The following CTNNA3 variants were observed in gnomAD, a reference collection of about 807,000 sequenced individuals.
The protein encoded by CTNNA3 is catenin alpha 3.
In CTNNA3, 76 loss-of-function variants were observed where a neutral mutation model predicts 95.7. That is an observed-to-expected ratio of 0.79 (90% confidence interval 0.66 to 0.96). The LOEUF (loss-of-function observed/expected upper bound fraction) is 0.96. Among genes scored for constraint, CTNNA3 ranks in the 40% least tolerant of loss-of-function variants. The pLI, the probability that CTNNA3 is intolerant of heterozygous loss-of-function variation, is 0.00. For synonymous variants in CTNNA3, 431 were observed against 374.4 expected (o/e 1.15, Z -1.74); for missense variants, 1,191 against 1,089.8 (o/e 1.09, Z -1.31).
intron 2 of CTNNA3, among the ~76,000 whole-genome samples, chr10:67,613,335 C>T (rs547482131): frequency 5.3e-5 from 8 of 150,606 alleles, no homozygotes; most frequent in South Asian, 2.1e-4. Flanking sequence ...ACAGAGCCAG[C>T]GTACTGTGAA....
At chr10:67,391,621 A>G (rs1282058640) in intron 5 of CTNNA3, among the ~76,000 whole-genome samples, 1 of 151,434 alleles carries the variant, frequency 6.6e-6, no homozygotes, top group African/African-American at 2.4e-5. Context: ...AAAAGAACAA[A>G]GCTGGAGGCA....
chr10:66,305,610 G>T (rs1022437710), intron 12 of CTNNA3, among the ~76,000 whole-genome samples: 1 of 152,120 alleles, frequency 6.6e-6, no homozygotes, highest in African/African-American at 2.4e-5. Flanking sequence ...GTGCTTTCAT[G>T]GTGAAGTCTT....
At chr10:67,524,853 G>T (rs1441813919) in intron 4 of CTNNA3, among the ~76,000 whole-genome samples, 1 of 152,104 alleles carries the variant, frequency 6.6e-6, no homozygotes, top group African/African-American at 2.4e-5. Flanking sequence ...ATAAAAGTTA[G>T]GTTGAGGCCT....
chr10:67,340,944 G>A (rs1159981831), intron 5 of CTNNA3, among the ~76,000 whole-genome samples: 2 of 152,120 alleles, frequency 1.3e-5, no homozygotes, highest in East Asian at 1.9e-4. Flanking sequence ...AAGTAGAAGC[G>A]TAAACAGAGT....
At chr10:66,249,500 T>A (rs138184218) in intron 13 of CTNNA3, among the ~76,000 whole-genome samples, 17 of 152,190 alleles carry the variant, frequency 1.1e-4, no homozygotes, top group African/African-American at 3.6e-4. Context: ...GACATACAAA[T>A]GTCAATGGCA....
intron 15 of CTNNA3, among the ~76,000 whole-genome samples, chr10:65,991,476 C>T (rs7068477): frequency 0.014 from 2,144 of 151,220 alleles, 52 homozygotes; most frequent in African/African-American, 0.05. Flanking sequence ...GAGGTTGGTT[C>T]TTGTTTGGTT....
chr10:66,556,886 C>G (rs949558122), intron 10 of CTNNA3, among the ~76,000 whole-genome samples: 1 of 151,940 alleles, frequency 6.6e-6, no homozygotes, highest in Non-Finnish European at 1.5e-5. Context: ...AGCAGGAAAA[C>G]CAATGGTAAC....
At chr10:66,678,301 TTTA>T (rs1846937992) in intron 9 of CTNNA3, among the ~76,000 whole-genome samples, 1 of 152,134 alleles carries the variant, frequency 6.6e-6, no homozygotes, top group South Asian at 2.1e-4. Flanking sequence ...TCAGAAAGCC[TTTA>T]CTAGCCTTTC....
At chr10:66,875,737 T>C (rs1844591635) in intron 7 of CTNNA3, among the ~76,000 whole-genome samples, 1 of 152,188 alleles carries the variant, frequency 6.6e-6, no homozygotes, top group African/African-American at 2.4e-5. Flanking sequence ...CCTATTCCTG[T>C]GCTTATGGCA....
chr10:67,203,205 A>G (rs528312342), intron 6 of CTNNA3, among the ~76,000 whole-genome samples: 2 of 152,260 alleles, frequency 1.3e-5, no homozygotes, highest in East Asian at 3.9e-4. Flanking sequence ...GGCCAAGTGA[A>G]GATAAATGAA....
At chr10:67,690,021 G>A (rs1201419053) in intron 1 of CTNNA3, among the ~76,000 whole-genome samples, 1 of 152,168 alleles carries the variant, frequency 6.6e-6, no homozygotes, top group East Asian at 1.9e-4. Context: ...CTGACTTCAA[G>A]AATGAAGCCG....
intron 7 of CTNNA3, among the ~76,000 whole-genome samples, chr10:66,804,444 A>G (rs932402438): frequency 2.6e-5 from 4 of 151,988 alleles, no homozygotes; most frequent in Non-Finnish European, 5.9e-5. Context: ...TTTCCTAATG[A>G]TAAGAACGAT....
Position 66,347,371 on chromosome 10 carries a change from G to A in CTNNA3, c.1732+31781C>T, listed in dbSNP as rs369003332. ...CACACCTGTAATCCAAGCACTTTGG[G>A]AGGCCAAGGCGGGAAGATTGCTTGA... On this transcript the variant is annotated intron_variant, in intron 12 of 17. Coordinates refer to ENST00000433211, the MANE Select transcript of CTNNA3 (RefSeq NM_013266.4). 4.5e-4 allele frequency among the ~76,000 whole-genome samples: 69 copies of A among 152,180 alleles called. 1 individual carries two copies. The South Asian group carries it at 0.014, about 31-fold the overall frequency.
chr10:66,477,184 A>G (rs1407733791), intron 11 of CTNNA3, among the ~76,000 whole-genome samples: 1 of 152,148 alleles, frequency 6.6e-6, no homozygotes, highest in African/African-American at 2.4e-5. Flanking sequence ...ATATACATCA[A>G]TTTTTATTTC....
In CTNNA3 at chr10:65,920,137, C is replaced by T. The variant is rs1564515353; in HGVS notation, c.*193G>A. On this transcript the variant is annotated 3_prime_UTR_variant, in exon 18 of 18. Coordinates refer to ENST00000433211, the MANE Select transcript of CTNNA3 (RefSeq NM_013266.4). Reference sequence around the variant, plus strand: ...GCAAATATTCCTTAACTATTAGGTGCTGACCATACAGAAATGACAGTGATA... The same window carrying T: ...GCAAATATTCCTTAACTATTAGGTGTTGACCATACAGAAATGACAGTGATA... 6.8e-6 allele frequency: 4 copies of T among 590,518 alleles called. No individual in the cohort carries two copies. The highest frequency in any genetic ancestry group is 4.2e-5 in the South Asian group (2 of 47,358). 36.6% of individuals were successfully genotyped at this position (590,518 alleles called of 1,614,324 possible).
At chr10:66,455,976 T>A (rs2093492484) in intron 11 of CTNNA3, among the ~76,000 whole-genome samples, 1 of 152,120 alleles carries the variant, frequency 6.6e-6, no homozygotes, top group African/African-American at 2.4e-5. Flanking sequence ...CCTCAAAAAT[T>A]TGGTATAAAT....
intron 2 of CTNNA3, 71 bp from the exon 3 acceptor site, chr10:67,607,120 AC>A: frequency 8.0e-7 from 1 of 1,246,738 alleles, no homozygotes; most frequent in Non-Finnish European, 1.1e-6. Flanking sequence ...GATATTACAG[AC>A]CAGAACAAAA....
At chr10:67,521,720 C>T (rs1839992892) in intron 5 of CTNNA3, 122 bp downstream of exon 5, 2 of 1,243,664 alleles carry the variant, frequency 1.6e-6, no homozygotes, top group African/African-American at 1.5e-5. Context: ...CACAGCACAA[C>T]CTGTATCTGC....
chr10:66,698,795 C>T (rs1847850369), intron 9 of CTNNA3, among the ~76,000 whole-genome samples: 1 of 151,950 alleles, frequency 6.6e-6, no homozygotes, highest in African/African-American at 2.4e-5. Flanking sequence ...ATTACATTAG[C>T]TAAAAAGAAA....
Sources: gnomAD v4.1 joint callset for allele counts (sites outside exome capture counted in the v4.1 genomes callset) on GRCh38, gnomAD v4.1.1 for gene constraint, MANE v1.5 for transcripts, NCBI Gene and HGNC (gene_info 2026-07-23, HGNC 2026-07-21) for gene names.